Variants in SLC24A2 observed in about 807,000 individuals in gnomAD.
SLC24A2 encodes the protein sodium/potassium/calcium exchanger 2.
Under a neutral mutation model 62.0 loss-of-function variants are expected in SLC24A2, and 36 were observed. That is an observed-to-expected ratio of 0.58 (90% CI 0.44 to 0.77). The LOEUF is 0.77. SLC24A2 is among the 30% of genes least tolerant of loss of function. The pLI is 0.00. For missense variants in SLC24A2, 846 were observed against 817.9 expected (o/e 1.03, Z -0.42); for synonymous variants, 358 against 294.0 (o/e 1.22, Z -2.23).
the SLC24A2 span, among the ~76,000 whole-genome samples, chr9:20,049,523 T>C: frequency 6.6e-6 from 1 of 150,864 alleles, no homozygotes; most frequent in Non-Finnish European, 1.5e-5. Context: ...ATACGAACAC[T>C]GACACACTCA....
chr9:19,973,125 C>A, the SLC24A2 span, among the ~76,000 whole-genome samples: 1 of 152,148 alleles, frequency 6.6e-6, no homozygotes, highest in East Asian at 1.9e-4. Context: ...ATTGCCTGAA[C>A]CCAGGTGTTT....
the SLC24A2 span, among the ~76,000 whole-genome samples, chr9:19,949,370 A>G: frequency 6.6e-6 from 1 of 152,198 alleles, no homozygotes; most frequent in African/African-American, 2.4e-5. Context: ...TTTCCTAGAT[A>G]TGAAGGAACT....
rs530817211 is a variant in SLC24A2 at position 19,648,061 on chromosome 9, CATAA to C, written c.931-25766_931-25763del. ...CAAGACAGCCTTATTCACTAGTTCT[CATAA>C]ATAAAAATGGTGCTAACATTAACTA... is the stretch of plus-strand genomic sequence containing the variant. On this transcript the variant is annotated intron_variant, in intron 2 of 10. Transcript: ENST00000341998. Among the ~76,000 whole-genome samples the C allele has an allele frequency of 7.5e-4, 114 of 152,220 alleles. 2 individuals are homozygous for C. The highest frequency in any genetic ancestry group is 2.6e-3 in the African/African-American group (110 of 41,550).
the SLC24A2 span, among the ~76,000 whole-genome samples, chr9:19,913,609 C>T: frequency 5.9e-5 from 9 of 152,200 alleles, no homozygotes; most frequent in East Asian, 1.5e-3. Context: ...TAGGTGGCTG[C>T]CTGAGAATTT....
chr9:20,297,429 A>C, the SLC24A2 span, among the ~76,000 whole-genome samples: 2 of 152,176 alleles, frequency 1.3e-5, no homozygotes, highest in African/African-American at 4.8e-5. Context: ...GGCCAAGGGG[A>C]TGGAAACCAG....
the SLC24A2 span, among the ~76,000 whole-genome samples, chr9:19,812,999 C>G: frequency 6.6e-6 from 1 of 152,188 alleles, no homozygotes; most frequent in Non-Finnish European, 1.5e-5. Flanking sequence ...TTTCCAGAGG[C>G]TTTCTACTTA....
At chr9:20,103,565 C>T in the SLC24A2 span, among the ~76,000 whole-genome samples, 16 of 152,280 alleles carry the variant, frequency 1.1e-4, 1 homozygote, top group East Asian at 1.2e-3. Flanking sequence ...CTGCAGCCAC[C>T]GCTGCTGATT....
At chr9:19,638,028 T>G (rs1381976861) in intron 2 of SLC24A2, among the ~76,000 whole-genome samples, 3 of 152,206 alleles carry the variant, frequency 2.0e-5, no homozygotes, top group African/African-American at 7.2e-5. Flanking sequence ...ACATGCATTA[T>G]TCATTTAATA....
chr9:19,730,137 C>G (rs894706853), intron 2 of SLC24A2, among the ~76,000 whole-genome samples: 4 of 152,190 alleles, frequency 2.6e-5, no homozygotes, highest in Non-Finnish European at 5.9e-5. Flanking sequence ...CTTCAGGCCT[C>G]TGAACAAGTG....
At chr9:19,836,785 T>C in the SLC24A2 span, among the ~76,000 whole-genome samples, 2 of 152,044 alleles carry the variant, frequency 1.3e-5, no homozygotes, top group Non-Finnish European at 1.5e-5. Context: ...AAAAAGAGAA[T>C]TTTAGACCAA....
the SLC24A2 span, among the ~76,000 whole-genome samples, chr9:20,130,281 C>T: frequency 1.3e-5 from 2 of 149,750 alleles, no homozygotes; most frequent in East Asian, 2.0e-4. Context: ...TGAAAAGAGA[C>T]AAGAAATAAA....
At chr9:20,155,557 ATATT>A in the SLC24A2 span, among the ~76,000 whole-genome samples, 1 of 151,858 alleles carries the variant, frequency 6.6e-6, no homozygotes, top group Non-Finnish European at 1.5e-5. Flanking sequence ...GTTTTTGTGA[ATATT>A]TATGTTTTCC....
chr9:19,543,287 T>G (rs1834373878), intron 8 of SLC24A2, among the ~76,000 whole-genome samples: 1 of 152,198 alleles, frequency 6.6e-6, no homozygotes, highest in Admixed American at 6.5e-5. Flanking sequence ...CCCTTTATCA[T>G]TTTTTATTGC....
chr9:19,788,278 A>G (rs1164527889), intron 1 of SLC24A2, among the ~76,000 whole-genome samples: 1 of 152,180 alleles, frequency 6.6e-6, no homozygotes, highest in Admixed American at 6.5e-5. Context: ...GGAACGATTA[A>G]GCGATTCACA....
At chr9:19,602,474 A>G (rs193134206) in intron 4 of SLC24A2, among the ~76,000 whole-genome samples, 204 of 152,350 alleles carry the variant, frequency 1.3e-3, no homozygotes, top group Non-Finnish European at 1.0e-3. Context: ...AAGGAAGTCT[A>G]TGAATGTCAT....
At chr9:19,733,257 G>A (rs528539539) in intron 2 of SLC24A2, among the ~76,000 whole-genome samples, 22 of 152,222 alleles carry the variant, frequency 1.4e-4, no homozygotes, top group Admixed American at 1.3e-3. Flanking sequence ...CGGTATACCT[G>A]TTATTTGTGA....
intron 7 of SLC24A2, among the ~76,000 whole-genome samples, chr9:19,562,956 A>C (rs1212505550): frequency 6.6e-6 from 1 of 152,150 alleles, no homozygotes; most frequent in Non-Finnish European, 1.5e-5. Context: ...ATTTTAAAAA[A>C]TTAACTGGGC....
the SLC24A2 span, among the ~76,000 whole-genome samples, chr9:19,891,403 T>C: frequency 6.6e-6 from 1 of 152,238 alleles, no homozygotes; most frequent in African/African-American, 2.4e-5. Context: ...CAAGAAACTC[T>C]GAGACTGGGT....
At chr9:20,259,648 T>C in the SLC24A2 span, among the ~76,000 whole-genome samples, 1 of 151,992 alleles carries the variant, frequency 6.6e-6, no homozygotes, top group Non-Finnish European at 1.5e-5. Context: ...GAGATCCAAA[T>C]AGTCCCCAGT....
Sources: allele counts gnomAD v4.1 joint callset (sites outside exome capture counted in the v4.1 genomes callset), GRCh38; gene constraint gnomAD v4.1.1; transcripts MANE v1.5; gene names NCBI Gene and HGNC (gene_info 2026-07-23, HGNC 2026-07-21).